ADH1C: variants seen among roughly 807,000 people sequenced by gnomAD.
ADH1C encodes alcohol dehydrogenase 1C.
Under a neutral mutation model 35.0 loss-of-function variants are expected in ADH1C, and 26 were observed. The ratio of observed to expected loss-of-function variants is 0.74; its 90% CI spans 0.54 to 1.03. ADH1C has a LOEUF of 1.03. Among genes scored for constraint, ADH1C ranks in the 50% least tolerant of loss-of-function variants. The pLI, the probability that ADH1C is intolerant of heterozygous loss-of-function variation, is 0.00. For missense variants in ADH1C, 413 were observed against 465.4 expected, an observed-to-expected ratio of 0.89 and a Z score of 1.04; for synonymous variants, 170 against 169.3, an observed-to-expected ratio of 1.00 and a Z score of -0.03.
At chr4:99,340,361 T>C (rs1319992485) in intron 7 of ADH1C, among the ~76,000 whole-genome samples, 1 of 151,832 alleles carries the variant, frequency 6.6e-6, no homozygotes, top group Non-Finnish European at 1.5e-5. Context: ...TTGCAGTGAG[T>C]CAAGATTGCG....
chr4:99,336,627 C>T lies in ADH1C; in HGVS notation c.*125G>A. On this transcript the variant is annotated 3_prime_UTR_variant, in exon 9 of 9. Coordinates refer to ENST00000515683, the MANE Select transcript of ADH1C (RefSeq NM_000669.5). ...TCAATTTCCATTTCTTTGGAAAGCTCCCACGTGTAATTTATTTTTAACATC... is the reference window on the plus strand; with the variant it reads ...TCAATTTCCATTTCTTTGGAAAGCTTCCACGTGTAATTTATTTTTAACATC... 4 of 1,197,222 alleles carry T rather than the reference C, an allele frequency of 3.3e-6. No homozygotes were observed. The highest frequency in any genetic ancestry group is 4.8e-6 in the Non-Finnish European group (4 of 831,776). The allele number at this position is 1,197,222 out of a possible 1,614,324, so 74.2% of individuals were successfully genotyped here. A position where few individuals can be genotyped will look rare whatever the true frequency, so the allele number is the denominator to read the frequency against.
chr4:99,345,858 A>G (rs1222311163), intron 3 of ADH1C, among the ~76,000 whole-genome samples: 1 of 152,200 alleles, frequency 6.6e-6, no homozygotes, highest in Non-Finnish European at 1.5e-5. Context: ...AATTACAGAA[A>G]TTCGTCTGAA....
At chr4:99,347,656 A>G (rs544194211) in intron 2 of ADH1C, 89 bp downstream of exon 2, 3 of 1,223,062 alleles carry the variant, frequency 2.5e-6, no homozygotes, top group Admixed American at 2.8e-5. Flanking sequence ...TATAAAAAAT[A>G]CCTCTAGTGG....
intron 1 of ADH1C, among the ~76,000 whole-genome samples, chr4:99,350,257 T>C (rs1560540008): frequency 1.3e-5 from 2 of 152,160 alleles, no homozygotes; most frequent in Non-Finnish European, 2.9e-5. Flanking sequence ...GCATTATTTT[T>C]ATTTTTAAAA....
chr4:99,347,202 T>G, intron 2 of ADH1C, 58 bp from the exon 3 acceptor site: 10 of 1,555,616 alleles, frequency 6.4e-6, no homozygotes, highest in Non-Finnish European at 8.6e-6. Flanking sequence ...TCAGATGGAC[T>G]TAACAAACCC....
At chr4:99,339,538 A>G in intron 8 of ADH1C, 39 bp downstream of exon 8, 6 of 1,262,238 alleles carry the variant, frequency 4.8e-6, no homozygotes, top group South Asian at 1.4e-5. Flanking sequence ...CCGCTACTGT[A>G]GAATACAAAG....
intron 1 of ADH1C, among the ~76,000 whole-genome samples, chr4:99,351,718 T>C (rs553680574): frequency 6.6e-6 from 1 of 152,298 alleles, no homozygotes; most frequent in South Asian, 2.1e-4. Context: ...AAGGTAAGCC[T>C]CAGAACCTTT....
intron 1 of ADH1C, 32 bp downstream of exon 1, chr4:99,352,626 A>G (rs1316338420): frequency 5.1e-6 from 8 of 1,564,772 alleles, no homozygotes; most frequent in Non-Finnish European, 2.6e-6. Context: ...TGAAGAGAAT[A>G]TATTATCAAC....
intron 1 of ADH1C, among the ~76,000 whole-genome samples, chr4:99,349,876 G>A (rs1438264056): frequency 6.6e-6 from 1 of 152,030 alleles, no homozygotes; most frequent in Non-Finnish European, 1.5e-5. Context: ...CTGTGTATTT[G>A]AGTTTCTAGC....
intron 1 of ADH1C, among the ~76,000 whole-genome samples, chr4:99,352,149 T>C (rs1323300686): frequency 6.6e-6 from 1 of 152,242 alleles, no homozygotes; most frequent in East Asian, 1.9e-4. Context: ...TAAGATATTT[T>C]ATAGTAAGAT....
rs1386306543 is a variant in ADH1C, at chr4:99,347,779, A to G, written c.86T>C (p.Val29Ala). 6.2e-7 allele frequency: 1 copy of G among 1,613,760 alleles called. No individual in the cohort carries two copies. The highest frequency in any genetic ancestry group is 2.2e-5 in the East Asian group (1 of 44,874). Residue 29 changes from valine to alanine, a missense_variant, in exon 2 of 9, where the codon GTT (valine) becomes GCT (alanine). Transcript: ENST00000515683. Reference protein sequence around the residue: ...KKPFSIEEVEVAPPKAHEVRI... With the variant: ...KKPFSIEEVEAAPPKAHEVRI... ...AACTTCATGAGCCTTAGGAGGTGCAACCTCTACCTCCTCAATGGAAAAGGG... is the reference window on the plus strand; with the variant it reads ...AACTTCATGAGCCTTAGGAGGTGCAGCCTCTACCTCCTCAATGGAAAAGGG...
Position 99,343,180 on chromosome 4 carries a change from C to T in ADH1C, c.568-125G>A, listed in dbSNP as rs1734457026. The T allele has an allele frequency of 5.1e-6, 7 of 1,386,132 alleles. No homozygotes were observed. The Admixed American group carries it at 1.0e-4, about 20-fold the overall frequency. The allele number at this position is 1,386,132 out of a possible 1,614,324, so 85.9% of individuals were successfully genotyped here. On this transcript the variant is annotated intron_variant, in intron 5 of 8. Coordinates refer to ENST00000515683, the MANE Select transcript of ADH1C (RefSeq NM_000669.5). ...CAGACTCTTCTGTCCAATCTGTTAT[C>T]GAAACCTGTTTTGGCTTGAAATGCT...
At chr4:99,347,520 A>G (rs1734564860) in intron 2 of ADH1C, among the ~76,000 whole-genome samples, 1 of 152,202 alleles carries the variant, frequency 6.6e-6, no homozygotes, top group Non-Finnish European at 1.5e-5. Context: ...TTTTTTCTGT[A>G]CAAACCTATA....
In ADH1C at chr4:99,345,171, A is replaced by G. The variant is rs1445391540; in HGVS notation, c.347+8T>C. On this transcript the variant is annotated splice_region_variant and intron_variant, in intron 4 of 8. Coordinates refer to ENST00000515683, the MANE Select transcript of ADH1C (RefSeq NM_000669.5). ...AAAGTCTGTGCAAAGAAAGCATCAG[A>G]AACTTACTCATTTTTCAAGCAGTAG... 2 of 1,613,736 alleles carry G rather than the reference A, an allele frequency of 1.2e-6. No homozygotes were observed. Among genetic ancestry groups the G allele is most frequent in the Non-Finnish European group, 1.7e-6 (2 of 1,179,802 alleles).
chr4:99,338,729 GTATC>G (rs1388256800), intron 8 of ADH1C, among the ~76,000 whole-genome samples: 2 of 149,040 alleles, frequency 1.3e-5, no homozygotes, highest in South Asian at 2.2e-4. Context: ...GTCGGATAAA[GTATC>G]TAGTATGATA....
intron 5 of ADH1C, among the ~76,000 whole-genome samples, chr4:99,344,551 G>A (rs1352402567): frequency 6.6e-6 from 1 of 152,140 alleles, no homozygotes; most frequent in Admixed American, 6.5e-5. Flanking sequence ...ATGTATAGGT[G>A]CTCTCTAATT....
chr4:99,352,385 T>G (rs1207172141), intron 1 of ADH1C, among the ~76,000 whole-genome samples: 1 of 152,158 alleles, frequency 6.6e-6, no homozygotes, highest in Non-Finnish European at 1.5e-5. Flanking sequence ...ATGTAGGAAA[T>G]AAAGACAATA....
At chr4:99,337,772 TC>T (rs1344520558) in intron 8 of ADH1C, among the ~76,000 whole-genome samples, 1 of 152,156 alleles carries the variant, frequency 6.6e-6, no homozygotes, top group Non-Finnish European at 1.5e-5. Flanking sequence ...CTTTCTATTG[TC>T]CTTTTTGAAA....
intron 3 of ADH1C, among the ~76,000 whole-genome samples, chr4:99,346,217 T>C (rs1416396157): frequency 2.0e-5 from 3 of 152,172 alleles, no homozygotes; most frequent in Non-Finnish European, 4.4e-5. Flanking sequence ...GATTGGTGCA[T>C]AACATTTTAT....
Sources: gnomAD v4.1 joint callset for allele counts (sites outside exome capture counted in the v4.1 genomes callset) on GRCh38, gnomAD v4.1.1 for gene constraint, MANE v1.5 for transcripts, NCBI Gene and HGNC (gene_info 2026-07-23, HGNC 2026-07-21) for gene names.